The following PRKCI variants were observed in gnomAD, a reference collection of about 807,000 sequenced individuals.
PRKCI encodes the protein protein kinase C iota.
A neutral mutation model predicts 84.0 loss-of-function variants in PRKCI; 43 were observed. The ratio of observed to expected loss-of-function variants is 0.51; its 90% CI spans 0.40 to 0.66. The LOEUF (loss-of-function observed/expected upper bound fraction) is 0.66, where lower values mean the gene tolerates loss of function less well. Among genes scored for constraint, PRKCI ranks in the 30% least tolerant of loss-of-function variants. The pLI is 0.00. For missense variants in PRKCI, 459 were observed against 745.6 expected, an observed-to-expected ratio of 0.62 and a Z score of 4.48; for synonymous variants, 216 against 234.4, an observed-to-expected ratio of 0.92 and a Z score of 0.72.
chr3:170,296,280 A>G (rs1734684551), intron 15 of PRKCI, among the ~76,000 whole-genome samples: 1 of 152,178 alleles, frequency 6.6e-6, no homozygotes, highest in African/African-American at 2.4e-5. Flanking sequence ...GGAAGAGTTA[A>G]TCTTTGGGTT....
At position 170,293,417 on chromosome 3, in the gene PRKCI, C is replaced by A. The variant is rs749515435; in HGVS notation, c.1326C>A (p.Leu442=). The A allele has an allele frequency of 1.2e-6, 2 of 1,613,390 alleles. No individual in the cohort carries two copies. The highest frequency in any genetic ancestry group is 1.7e-5 in the Admixed American group (1 of 59,974). ...FSVDWWALGV[L]MFEMMAGRSP... The stretch of plus-strand genomic sequence containing the variant: ...TTGACTGGTGGGCTCTTGGAGTGCT[C>A]ATGTTTGAGATGATGGCAGGAAGGT... The change falls in exon 14 of 18, where the codon CTC becomes CTA. Residue 442 remains leucine, a synonymous_variant. Transcript: ENST00000295797.
In PRKCI at chr3:170,260,038, A is replaced by T. The variant is rs1444607173; in HGVS notation, c.293A>T (p.Asp98Val). ...TTTAGACTTTATGAGCTAAACAAGG[A>T]TTCTGAACTCTTGATTCATGGTAAG... ...EAFRLYELNK[D>V]SELLIHVFPC... The change falls in exon 3 of 18, where the codon GAT becomes GTT. Residue 98 changes from aspartate to valine, a missense_variant. Around this residue, in one of 2 missense-constraint regions of PRKCI, gnomAD observed 250 missense variants for 319.7 expected, o/e 0.78. Coordinates refer to ENST00000295797, the MANE Select transcript of PRKCI (RefSeq NM_002740.6). 6.2e-7 allele frequency: 1 copy of T among 1,610,696 alleles called. No individual in the cohort carries two copies. Among genetic ancestry groups the T allele is most frequent in the African/African-American group, 1.3e-5 (1 of 74,982 alleles).
At chr3:170,230,786 ACT>A (rs1296144759) in intron 1 of PRKCI, among the ~76,000 whole-genome samples, 3 of 151,716 alleles carry the variant, frequency 2.0e-5, no homozygotes, top group Non-Finnish European at 2.9e-5. Context: ...TGAAATGGTA[ACT>A]CTGTTATGTA....
At chr3:170,244,030 A>G (rs1012384487) in intron 2 of PRKCI, among the ~76,000 whole-genome samples, 7 of 152,250 alleles carry the variant, frequency 4.6e-5, no homozygotes, top group African/African-American at 1.7e-4. Flanking sequence ...TCTGCTATTC[A>G]TCGCTGGTTC....
intron 1 of PRKCI, among the ~76,000 whole-genome samples, chr3:170,224,823 C>T (rs1732588305): frequency 6.6e-6 from 1 of 152,144 alleles, no homozygotes; most frequent in Non-Finnish European, 1.5e-5. Context: ...TGCGCCTGGC[C>T]CTAAGGCTTT....
intron 2 of PRKCI, among the ~76,000 whole-genome samples, chr3:170,245,950 T>TTTTTTTTGTTTGTTTG (rs1553837897): frequency 2.3e-5 from 1 of 44,358 alleles, no homozygotes; most frequent in Non-Finnish European, 4.0e-5. Context: ...TATGTCTTTG[T>TTTTTTTTGTTTGTTTG]TTTTTTTTTT....
chr3:170,277,447 A>G (rs1734142678), intron 8 of PRKCI, among the ~76,000 whole-genome samples: 3 of 151,918 alleles, frequency 2.0e-5, no homozygotes, highest in East Asian at 1.9e-4. Flanking sequence ...TGGCTCACAC[A>G]TGTAATCCCA....
intron 2 of PRKCI, among the ~76,000 whole-genome samples, chr3:170,252,627 G>A (rs374054422): frequency 4.2e-5 from 6 of 144,176 alleles, no homozygotes; most frequent in African/African-American, 1.5e-4. Flanking sequence ...CTGAGACAGT[G>A]TCTCACTCTT....
intron 2 of PRKCI, among the ~76,000 whole-genome samples, chr3:170,245,068 T>TAAAATC (rs1205624985): frequency 1.3e-5 from 2 of 152,026 alleles, no homozygotes; most frequent in African/African-American, 4.8e-5. Context: ...ACAGTTGTTC[T>TAAAATC]CGGTGGGTCT....
chr3:170,266,939 G>A (rs533741868), intron 4 of PRKCI, among the ~76,000 whole-genome samples: 49 of 152,340 alleles, frequency 3.2e-4, no homozygotes, highest in African/African-American at 1.2e-3. Flanking sequence ...GTTGCAGTGG[G>A]CTGAGATTGC....
In PRKCI at chr3:170,222,631, C is replaced by A; in HGVS notation, c.-39C>A. 1.3e-6 allele frequency: 2 copies of A among 1,505,178 alleles called. No individual in the cohort carries two copies. The highest frequency in any genetic ancestry group is 1.8e-6 in the Non-Finnish European group (2 of 1,121,850). 93.2% of individuals were successfully genotyped at this position (1,505,178 alleles called of 1,614,324 possible). Reference sequence around the variant, plus strand: ...CCACGGCGCCCGAAGCGCCCCCCCGCACCCCCGGCCTCCAGCGTTGAGGCG... The same window carrying A: ...CCACGGCGCCCGAAGCGCCCCCCCGAACCCCCGGCCTCCAGCGTTGAGGCG... On this transcript the variant is annotated 5_prime_UTR_variant, in exon 1 of 18. Coordinates refer to ENST00000295797, the MANE Select transcript of PRKCI (RefSeq NM_002740.6).
chr3:170,255,058 T>C (rs1410048077), intron 2 of PRKCI, among the ~76,000 whole-genome samples: 3 of 81,908 alleles, frequency 3.7e-5, no homozygotes, highest in African/African-American at 2.1e-4. Context: ...TCTTTCACTT[T>C]TTTTTTTTTT....
chr3:170,226,349 C>G (rs894878449), intron 1 of PRKCI, among the ~76,000 whole-genome samples: 2 of 152,120 alleles, frequency 1.3e-5, no homozygotes, highest in Non-Finnish European at 2.9e-5. Flanking sequence ...AGTGAGGGGC[C>G]TTCAGTTATT....
Position 170,265,890 on chromosome 3 carries a change from G to A in PRKCI, c.365-2025G>A, listed in dbSNP as rs191298333. On this transcript the variant is annotated intron_variant, in intron 4 of 17. Transcript: ENST00000295797. ...CCCACCTCGGCCTCCCAAAGTGCTGGGATTACGGGCGTGAGCCACCGCGCC... is the reference window on the plus strand; with the variant it reads ...CCCACCTCGGCCTCCCAAAGTGCTGAGATTACGGGCGTGAGCCACCGCGCC... Among the ~76,000 whole-genome samples the A allele has an allele frequency of 3.5e-3, 526 of 152,032 alleles. 1 individual carries two copies. The highest frequency in any genetic ancestry group is 4.6e-3 in the Non-Finnish European group (312 of 67,970).
At chr3:170,269,221 G>A (rs982986315) in intron 5 of PRKCI, among the ~76,000 whole-genome samples, 10 of 152,020 alleles carry the variant, frequency 6.6e-5, no homozygotes, top group Admixed American at 5.9e-4. Context: ...GGCCAGAAAC[G>A]AATTTTTTAA....
Position 170,281,862 on chromosome 3 carries a change from G to T in PRKCI, c.981-20G>T. Reference sequence around the variant, plus strand: ...CCTTATTTTGGATCTTGATTTCATGGGTTCTCTCCTGTGTTTTAGATTGTT... The same window carrying T: ...CCTTATTTTGGATCTTGATTTCATGTGTTCTCTCCTGTGTTTTAGATTGTT... On this transcript the variant is annotated intron_variant, in intron 10 of 17. Coordinates refer to ENST00000295797, the MANE Select transcript of PRKCI (RefSeq NM_002740.6). 6.4e-7 allele frequency: 1 copy of T among 1,567,858 alleles called. No individual in the cohort carries two copies. The highest frequency in any genetic ancestry group is 8.6e-7 in the Non-Finnish European group (1 of 1,160,326).
At chr3:170,237,231 G>A (rs1733002313) in intron 2 of PRKCI, among the ~76,000 whole-genome samples, 1 of 152,304 alleles carries the variant, frequency 6.6e-6, no homozygotes, top group Admixed American at 6.5e-5. Context: ...AGTATGAATT[G>A]GCCTACAGTT....
At chr3:170,267,398 G>C (rs1733886384) in intron 4 of PRKCI, among the ~76,000 whole-genome samples, 1 of 152,044 alleles carries the variant, frequency 6.6e-6, no homozygotes, top group Admixed American at 6.6e-5. Context: ...AGTAGGCCGG[G>C]CGCGTTGGCT....
intron 2 of PRKCI, among the ~76,000 whole-genome samples, chr3:170,247,224 G>GT (rs927368598): frequency 2.2e-4 from 32 of 148,098 alleles, no homozygotes; most frequent in East Asian, 1.6e-3. Flanking sequence ...TACTTTTTTA[G>GT]TTTTTTTTTT....
Sources: allele counts gnomAD v4.1 joint callset (sites outside exome capture counted in the v4.1 genomes callset), GRCh38; gene constraint gnomAD v4.1.1; regional missense constraint gnomAD v4.1.1; transcripts MANE v1.5; gene names NCBI Gene and HGNC (gene_info 2026-07-23, HGNC 2026-07-21).